UPP2: variants seen among roughly 807,000 people sequenced by gnomAD.
UPP2 encodes UPase 2.
Under a neutral mutation model 26.7 loss-of-function variants are expected in UPP2, and 23 were observed. The ratio of observed to expected loss-of-function variants is 0.86; its 90% CI spans 0.62 to 1.22. UPP2 has a LOEUF of 1.22. Ranked by LOEUF, UPP2 falls within the 50% of genes most tolerant of loss-of-function variation. The probability of loss-of-function intolerance (pLI) is 0.00; values close to 1 mark genes in which losing one functional copy is unlikely to be tolerated. For missense variants in UPP2, 387 were observed against 396.7 expected (o/e 0.98, Z 0.21); for synonymous variants, 127 against 141.3 (o/e 0.90, Z 0.72).
At chr2:158,061,796 T>C (rs1182529814) in intron 3 of UPP2, among the ~76,000 whole-genome samples, 2 of 152,260 alleles carry the variant, frequency 1.3e-5, no homozygotes, top group Non-Finnish European at 2.9e-5. Context: ...CCTTGGCCTA[T>C]GTGTCTCAGT....
intron 3 of UPP2, among the ~76,000 whole-genome samples, chr2:158,040,286 TG>T (rs2105163213): frequency 6.6e-6 from 1 of 152,204 alleles, no homozygotes; most frequent in East Asian, 1.9e-4. Flanking sequence ...AATATTATAA[TG>T]GCCTCAGTTA....
intron 3 of UPP2, among the ~76,000 whole-genome samples, chr2:158,066,280 T>C (rs1251222741): frequency 6.6e-6 from 1 of 152,238 alleles, no homozygotes; most frequent in African/African-American, 2.4e-5. Context: ...TGGCAAAAGA[T>C]TCTTGCTGTT....
At chr2:158,108,608 C>A (rs1429625226) in intron 2 of UPP2, among the ~76,000 whole-genome samples, 1 of 151,632 alleles carries the variant, frequency 6.6e-6, no homozygotes, top group Non-Finnish European at 1.5e-5. Context: ...CACACACAGA[C>A]ACACACACAC....
chr2:157,997,294 G>A (rs879708850), intron 2 of UPP2, among the ~76,000 whole-genome samples: 5 of 151,642 alleles, frequency 3.3e-5, no homozygotes, highest in Non-Finnish European at 7.4e-5. Context: ...TGCTCATTTT[G>A]GGAACCTTTG....
intron 3 of UPP2, among the ~76,000 whole-genome samples, chr2:158,049,945 GC>G (rs1302943017): frequency 6.6e-6 from 1 of 152,016 alleles, no homozygotes; most frequent in Non-Finnish European, 1.5e-5. Context: ...GAACCAATAG[GC>G]CCCATTACCA....
At chr2:158,061,617 G>T (rs112946948) in intron 3 of UPP2, among the ~76,000 whole-genome samples, 3,824 of 152,280 alleles carry the variant, frequency 0.025, 160 homozygotes, top group African/African-American at 0.087. Flanking sequence ...ACTGGCACAG[G>T]GGGCGGGGCC....
At chr2:158,076,401 C>A (rs1451511784) in intron 3 of UPP2, among the ~76,000 whole-genome samples, 1 of 151,786 alleles carries the variant, frequency 6.6e-6, no homozygotes, top group Non-Finnish European at 1.5e-5. Context: ...TTTCTGATGA[C>A]TATTGATCAA....
chr2:158,115,821 C>G (rs1683418223), intron 3 of UPP2, among the ~76,000 whole-genome samples: 4 of 152,210 alleles, frequency 2.6e-5, no homozygotes, highest in African/African-American at 9.6e-5. Flanking sequence ...CCCCCTTGGA[C>G]TCAGCTGGGC....
rs190916204 is a variant in UPP2 at position 158,105,631 on chromosome 2, A to G, written c.63-468A>G. ...ATAACTTACTCAAGGTTGCACAATT[A>G]GGATATATATGGTTGAACTTGTACT... On this transcript the variant is annotated intron_variant, in intron 1 of 6. Transcript: ENST00000005756. Among the ~76,000 whole-genome samples, 298 of 152,346 alleles carry G rather than the reference A, an allele frequency of 2.0e-3. 3 individuals are homozygous for G. Among genetic ancestry groups the G allele is most frequent in the African/African-American group, 6.7e-3 (279 of 41,590 alleles).
At chr2:158,097,401 AGT>A, upstream of UPP2, among the ~76,000 whole-genome samples, 1 of 152,156 alleles carries the variant, frequency 6.6e-6, no homozygotes, top group South Asian at 2.1e-4. Context: ...ATATAGAGAG[AGT>A]GTGTATATAA....
intron 2 of UPP2, among the ~76,000 whole-genome samples, chr2:158,014,150 T>A (rs536007966): frequency 1.3e-5 from 2 of 152,272 alleles, no homozygotes; most frequent in South Asian, 4.1e-4. Context: ...AAGCCTGTTC[T>A]GCAGCTCCAA....
intron 3 of UPP2, among the ~76,000 whole-genome samples, chr2:158,054,887 C>T (rs1190618243): frequency 6.6e-6 from 1 of 152,080 alleles, no homozygotes; most frequent in Non-Finnish European, 1.5e-5. Flanking sequence ...TGAATTATCA[C>T]CACCATCCAT....
rs533835836 is a variant in UPP2 at position 158,044,688 on chromosome 2, T to G, written c.147+28802T>G. On this transcript the variant is annotated intron_variant, in intron 3 of 9. Coordinates refer to the UPP2 transcript ENST00000605860. ...TGGTTTTAAGGAACAGAAATGCACTTAAGTTAAATCAAGTAATTAGAGATT... is the reference window on the plus strand; with the variant it reads ...TGGTTTTAAGGAACAGAAATGCACTGAAGTTAAATCAAGTAATTAGAGATT... Among the ~76,000 whole-genome samples the G allele has an allele frequency of 2.0e-5, 3 of 152,276 alleles. No individual in the cohort carries two copies. In the South Asian group the frequency reaches 6.2e-4, roughly 32 times the overall value.
chr2:158,127,918 T>C, intron 6 of UPP2: 1 of 826,286 alleles, frequency 1.2e-6, no homozygotes, highest in African/African-American at 1.8e-5. Flanking sequence ...AATAAATGCA[T>C]TCTCCTATCA....
chr2:158,003,427 G>C (rs532764343), intron 2 of UPP2, among the ~76,000 whole-genome samples: 1 of 152,296 alleles, frequency 6.6e-6, no homozygotes, highest in African/African-American at 2.4e-5. Flanking sequence ...AAGAGAGCCA[G>C]CTGGGCAGGG....
intron 2 of UPP2, among the ~76,000 whole-genome samples, chr2:158,004,630 C>T (rs1683461909): frequency 6.6e-6 from 1 of 152,132 alleles, no homozygotes; most frequent in African/African-American, 2.4e-5. Context: ...TCCTCCTAGT[C>T]GGGGGAGATG....
chr2:158,109,615 G>C (rs1273497776), intron 2 of UPP2, among the ~76,000 whole-genome samples: 1 of 152,130 alleles, frequency 6.6e-6, no homozygotes, highest in Non-Finnish European at 1.5e-5. Context: ...GACTGGAAAT[G>C]GTACCCATTA....
At position 158,101,997 on chromosome 2, in the gene UPP2, A is replaced by C. The variant is rs1158621262; in HGVS notation, c.-67A>C. 1.2e-6 allele frequency: 2 copies of C among 1,602,574 alleles called. No individual in the cohort carries two copies. The highest frequency in any genetic ancestry group is 3.4e-5 in the Admixed American group (2 of 58,484). Reference sequence around the variant, plus strand: ...ACTATTATGACTAGGTCTATAATTTAATAACAAGTCACAATATCTCTCTTT... The same window carrying C: ...ACTATTATGACTAGGTCTATAATTTCATAACAAGTCACAATATCTCTCTTT... On this transcript the variant is annotated 5_prime_UTR_variant, in exon 1 of 7. It removes the in-frame stop codon of an upstream open reading frame in the 5' UTR. Transcript: ENST00000005756.
chr2:158,013,804 A>T (rs896715387), intron 2 of UPP2, among the ~76,000 whole-genome samples: 1 of 152,256 alleles, frequency 6.6e-6, no homozygotes, highest in East Asian at 1.9e-4. Context: ...GCACATGCAG[A>T]TGAAGGAAAG....
Sources: allele counts gnomAD v4.1 joint callset (sites outside exome capture counted in the v4.1 genomes callset), GRCh38; gene constraint gnomAD v4.1.1; transcripts MANE v1.5; gene names NCBI Gene and HGNC (gene_info 2026-07-23, HGNC 2026-07-21).